MSN: variants seen among roughly 807,000 people sequenced by gnomAD.
The protein encoded by MSN is epididymis luminal protein 70.
Under a neutral mutation model 48.0 loss-of-function variants are expected in MSN, and 2 were observed. That is an observed-to-expected ratio of 0.04 (90% CI 0.02 to 0.13). The LOEUF (loss-of-function observed/expected upper bound fraction) is 0.13. Ranked by LOEUF, MSN falls within the 10% of genes least tolerant of loss-of-function variation. MSN has a pLI of 1.00. For missense variants in MSN, 267 were observed against 470.1 expected, an observed-to-expected ratio of 0.57 and a Z score of 3.99; for synonymous variants, 146 against 166.9, an observed-to-expected ratio of 0.87 and a Z score of 0.97.
At chrX:65,726,569 T>G (rs184891605) in intron 2 of MSN, among the ~76,000 whole-genome samples, 47 of 111,036 alleles carry the variant, frequency 4.2e-4, no homozygotes, top group Non-Finnish European at 4.3e-4. Context: ...TAATAGAAAC[T>G]TTGTGGATAC....
intron 1 of MSN, among the ~76,000 whole-genome samples, chrX:65,615,245 G>A (rs1292410415): frequency 9.2e-6 from 1 of 108,474 alleles, no homozygotes; most frequent in African/African-American, 3.4e-5. Context: ...GGGTCAAATG[G>A]TATTTCCAGT....
At chrX:65,736,437 CT>C (rs773890199) in intron 8 of MSN, among the ~76,000 whole-genome samples, 16,137 of 92,097 alleles carry the variant, frequency 0.18, 3,939 homozygotes, top group African/African-American at 0.61. Context: ...ATTCCCCAGG[CT>C]TTTTTTTTTT....
At chrX:65,642,977 C>A (rs2070669053) in intron 1 of MSN, among the ~76,000 whole-genome samples, 1 of 110,773 alleles carries the variant, frequency 9.0e-6, no homozygotes, top group African/African-American at 3.3e-5. Flanking sequence ...CCTAGCCACC[C>A]CATCCCACTC....
At chrX:65,622,481 G>A (rs2070457702) in intron 1 of MSN, among the ~76,000 whole-genome samples, 1 of 102,768 alleles carries the variant, frequency 9.7e-6, no homozygotes, top group African/African-American at 3.6e-5. Flanking sequence ...GTACAATTTT[G>A]AATAGCAGTG....
chrX:65,602,750 T>A (rs1375670218), intron 1 of MSN, among the ~76,000 whole-genome samples: 1 of 112,222 alleles, frequency 8.9e-6, no homozygotes, highest in East Asian at 2.8e-4. Flanking sequence ...GGGGCTGTTG[T>A]GAGAATTAAA....
intron 2 of MSN, among the ~76,000 whole-genome samples, 175 bp from the exon 3 acceptor site, chrX:65,727,639 G>A (rs1403790851): frequency 8.9e-6 from 1 of 112,081 alleles, no homozygotes; most frequent in Non-Finnish European, 1.9e-5. Context: ...ACTTTGTGCA[G>A]AGAGATGCCG....
intron 3 of MSN, among the ~76,000 whole-genome samples, chrX:65,728,191 T>G (rs1363567534): frequency 8.9e-6 from 1 of 112,674 alleles, no homozygotes; most frequent in Non-Finnish European, 1.9e-5. Context: ...TTGACTTGTT[T>G]TGGATCAAAT....
At chrX:65,716,734 C>T (rs1387356448) in intron 1 of MSN, 84 bp from the exon 2 acceptor site, 2 of 859,736 alleles carry the variant, frequency 2.3e-6, no homozygotes, top group African/African-American at 4.0e-5. Flanking sequence ...ACTCCTTCCT[C>T]TGTGGTTGAG....
At chrX:65,738,458 G>A (rs2071701703) in intron 10 of MSN, 67 bp from the exon 11 acceptor site, 1 of 1,007,231 alleles carries the variant, frequency 9.9e-7, no homozygotes, top group African/African-American at 1.9e-5. Context: ...AGGGGACTTG[G>A]GTTGAAGACA....
rs751344349 is a variant in MSN, at chrX:65,694,772, G to GT, written c.13-22045dup. Among the ~76,000 whole-genome samples, 4 of 112,042 alleles carry GT rather than the reference G, an allele frequency of 3.6e-5. No homozygotes were observed. In the East Asian group the frequency reaches 1.1e-3, roughly 31 times the overall value. ...CGGTTGTCTGAGAATCCATGTGGGTGTATCTATCACTTTGTAAAGAGGAAC... is the reference window on the plus strand; with the variant it reads ...CGGTTGTCTGAGAATCCATGTGGGTGTTATCTATCACTTTGTAAAGAGGAAC... On this transcript the variant is annotated intron_variant, in intron 1 of 12. Coordinates refer to ENST00000360270, the MANE Select transcript of MSN (RefSeq NM_002444.3).
At chrX:65,594,046 CAG>C (rs1353530117) in intron 1 of MSN, among the ~76,000 whole-genome samples, 1 of 111,594 alleles carries the variant, frequency 9.0e-6, no homozygotes, top group East Asian at 2.8e-4. Context: ...AGGTTGTAGG[CAG>C]AGAGGTTTCC....
chrX:65,599,791 A>T (rs1386387567), intron 1 of MSN, among the ~76,000 whole-genome samples: 1 of 111,217 alleles, frequency 9.0e-6, no homozygotes, highest in Non-Finnish European at 1.9e-5. Context: ...GGCATGAAAA[A>T]GGGGTCCCAG....
chrX:65,738,899 T>C, intron 11 of MSN, 71 bp from the exon 12 acceptor site: 7 of 1,081,549 alleles, frequency 6.5e-6, no homozygotes, highest in Non-Finnish European at 8.9e-6. Context: ...CAGACCGTTC[T>C]AGGCATATAC....
At chrX:65,721,524 G>T (rs1354716705) in intron 2 of MSN, among the ~76,000 whole-genome samples, 1 of 110,992 alleles carries the variant, frequency 9.0e-6, no homozygotes, top group Non-Finnish European at 1.9e-5. Context: ...AAGTACTTAG[G>T]ACTTGAATAC....
At chrX:65,593,124 AC>A (rs2070161226) in intron 1 of MSN, 1 of 108,962 alleles carries the variant, frequency 9.2e-6, no homozygotes, top group South Asian at 3.9e-4. Flanking sequence ...CAATGGGGCT[AC>A]CCCAATCCCC....
chrX:65,714,479 GTTA>G (rs907491958), intron 1 of MSN, among the ~76,000 whole-genome samples: 5 of 111,253 alleles, frequency 4.5e-5, no homozygotes, highest in African/African-American at 1.3e-4. Context: ...ACTAGCATCT[GTTA>G]TTATTTTTTT....
chrX:65,639,347 G>A (rs1181112655), intron 1 of MSN, among the ~76,000 whole-genome samples: 1 of 111,388 alleles, frequency 9.0e-6, no homozygotes, highest in African/African-American at 3.3e-5. Flanking sequence ...GTTTCACCAT[G>A]TTGCCCAGGC....
chrX:65,716,356 A>G (rs2071464485), intron 1 of MSN, among the ~76,000 whole-genome samples: 1 of 108,627 alleles, frequency 9.2e-6, no homozygotes. Context: ...GCTCACTGCA[A>G]CCTCTACCTT....
intron 1 of MSN, among the ~76,000 whole-genome samples, chrX:65,714,162 CTTG>C (rs1327471352): frequency 8.9e-6 from 1 of 111,994 alleles, no homozygotes; most frequent in African/African-American, 3.2e-5. Context: ...AGGACATGAT[CTTG>C]TTGTTTTTTA....
Sources: allele counts gnomAD v4.1 joint callset (sites outside exome capture counted in the v4.1 genomes callset), GRCh38; gene constraint gnomAD v4.1.1; transcripts MANE v1.5; gene names NCBI Gene and HGNC (gene_info 2026-07-23, HGNC 2026-07-21).